The following PDZD2 variants were observed in gnomAD, a reference collection of about 807,000 sequenced individuals.
PDZD2 encodes the protein PDZ domain-containing protein 2.
In PDZD2, 90 loss-of-function variants were observed where a neutral mutation model predicts 220.7. That is an observed-to-expected ratio of 0.41 (90% CI 0.34 to 0.49). The LOEUF is 0.49. Ranked by LOEUF, PDZD2 falls within the 20% of genes least tolerant of loss-of-function variation. PDZD2 has a pLI of 0.28. For missense variants in PDZD2, 3,174 were observed against 3,608.5 expected (o/e 0.88, Z 3.08); for synonymous variants, 1,375 against 1,450.5 (o/e 0.95, Z 1.18).
intron 1 of PDZD2, among the ~76,000 whole-genome samples, chr5:31,717,629 T>A (rs1242775724): frequency 6.6e-6 from 1 of 152,120 alleles, no homozygotes; most frequent in Non-Finnish European, 1.5e-5. Flanking sequence ...CCATCTCCAC[T>A]GACAGTAATG....
At chr5:31,885,537 A>G (rs1188785905) in intron 2 of PDZD2, among the ~76,000 whole-genome samples, 1 of 152,242 alleles carries the variant, frequency 6.6e-6, no homozygotes, top group Non-Finnish European at 1.5e-5. Flanking sequence ...AAAAGAATGA[A>G]TAAAATATGT....
chr5:31,951,345 G>GT (rs1747164883), intron 2 of PDZD2, among the ~76,000 whole-genome samples: 1 of 152,212 alleles, frequency 6.6e-6, no homozygotes, highest in Non-Finnish European at 1.5e-5. Context: ...TGGATCTACA[G>GT]GGTTGAGCCA....
At chr5:32,011,779 G>A (rs1282042252) in intron 6 of PDZD2, among the ~76,000 whole-genome samples, 2 of 152,122 alleles carry the variant, frequency 1.3e-5, no homozygotes, top group African/African-American at 4.8e-5. Context: ...TATTTAAAGG[G>A]GGAAAAGTTG....
At chr5:31,911,936 G>A (rs947623048) in intron 2 of PDZD2, among the ~76,000 whole-genome samples, 4 of 152,118 alleles carry the variant, frequency 2.6e-5, no homozygotes, top group Non-Finnish European at 5.9e-5. Flanking sequence ...AAGCTCACAC[G>A]CCTGCAACTC....
chr5:31,866,660 T>C (rs1174001846), intron 2 of PDZD2, among the ~76,000 whole-genome samples: 6 of 152,222 alleles, frequency 3.9e-5, no homozygotes, highest in Admixed American at 6.5e-5. Context: ...TTGGCCATGC[T>C]GTCCTGTGGG....
Position 31,857,036 on chromosome 5 carries a change from C to T in PDZD2, c.476+57312C>T, listed in dbSNP as rs1299501736. Among the ~76,000 whole-genome samples, 8 of 152,052 alleles carry T rather than the reference C, an allele frequency of 5.3e-5. No homozygotes were observed. The East Asian group carries it at 1.2e-3, about 22-fold the overall frequency. On this transcript the variant is annotated intron_variant, in intron 2 of 24. Coordinates refer to ENST00000438447, the MANE Select transcript of PDZD2 (RefSeq NM_178140.4). ...TCCAGTTCTTTGTCTTTTCTAGAGG[C>T]GTGGTCTTGTTATGTTGCCCTGGCT...
chr5:31,876,194 T>C (rs1739281035), intron 2 of PDZD2, among the ~76,000 whole-genome samples: 1 of 152,170 alleles, frequency 6.6e-6, no homozygotes, highest in Non-Finnish European at 1.5e-5. Context: ...CTTTCTAGTT[T>C]TGGTTACTAT....
chr5:32,034,561 A>G (rs537891700), intron 6 of PDZD2, among the ~76,000 whole-genome samples: 25 of 152,016 alleles, frequency 1.6e-4, no homozygotes, highest in Admixed American at 2.6e-4. Flanking sequence ...GGGTTTCACC[A>G]TGTTGGCCGG....
At chr5:31,759,443 T>C (rs141202279) in intron 1 of PDZD2, among the ~76,000 whole-genome samples, 6 of 152,038 alleles carry the variant, frequency 3.9e-5, no homozygotes, top group Non-Finnish European at 7.4e-5. Context: ...CCATGGAACA[T>C]TGTTAGGTGA....
intron 2 of PDZD2, among the ~76,000 whole-genome samples, chr5:31,851,226 C>G (rs537061925): frequency 6.6e-6 from 1 of 152,252 alleles, no homozygotes; most frequent in African/African-American, 2.4e-5. Context: ...CATACCCCCA[C>G]CCCCCACAAC....
chr5:31,889,974 G>A (rs13157409), intron 2 of PDZD2, among the ~76,000 whole-genome samples: 3 of 151,884 alleles, frequency 2.0e-5, no homozygotes, highest in Non-Finnish European at 4.4e-5. Flanking sequence ...AGTGAGCCCA[G>A]ATAGTGTCAC....
intron 1 of PDZD2, among the ~76,000 whole-genome samples, chr5:31,740,508 G>C (rs1426467335): frequency 2.6e-5 from 3 of 113,656 alleles, no homozygotes; most frequent in East Asian, 5.4e-4. Flanking sequence ...CTGGGTGACA[G>C]AGCAAGACTC....
chr5:32,102,057 C>G (rs1291454145), intron 24 of PDZD2, among the ~76,000 whole-genome samples: 2 of 152,024 alleles, frequency 1.3e-5, no homozygotes, highest in Admixed American at 1.3e-4. Flanking sequence ...GATATTTCTA[C>G]AATTGCATAG....
At chr5:31,923,491 C>A in intron 2 of PDZD2, 1 of 943,106 alleles carries the variant, frequency 1.1e-6, no homozygotes, top group Non-Finnish European at 1.7e-6. Context: ...GGTGCAGATC[C>A]TGGAATGTCT....
intron 1 of PDZD2, among the ~76,000 whole-genome samples, chr5:31,714,539 A>G (rs911565330): frequency 1.3e-5 from 2 of 152,220 alleles, no homozygotes; most frequent in Non-Finnish European, 2.9e-5. Flanking sequence ...ATGCAACCTC[A>G]TACCGTCCAA....
chr5:31,915,927 T>C (rs1743637923), intron 2 of PDZD2, among the ~76,000 whole-genome samples: 1 of 152,062 alleles, frequency 6.6e-6, no homozygotes, highest in Admixed American at 6.6e-5. Flanking sequence ...TTATTGGAGA[T>C]TGGCTTGGCA....
At chr5:31,926,610 A>G (rs895362300) in intron 2 of PDZD2, among the ~76,000 whole-genome samples, 3 of 152,066 alleles carry the variant, frequency 2.0e-5, no homozygotes, top group Non-Finnish European at 4.4e-5. Context: ...ATGCTTATAC[A>G]CTGTTGGTGT....
chr5:32,058,212 T>A lies in PDZD2; in HGVS notation c.2200+109T>A, dbSNP rs1424043043. 2.5e-5 allele frequency: 17 copies of A among 677,556 alleles called. No homozygotes were observed. In the East Asian group the frequency reaches 4.6e-4, roughly 18 times the overall value. The allele number at this position is 677,556 out of a possible 1,614,324, so 42.0% of individuals were successfully genotyped here. ...TCTATGAATTATTCCTTTGGTACAA[T>A]CTTCTATCAACAACACGTGGTCTCT... On this transcript the variant is annotated intron_variant, in intron 12 of 24. Coordinates refer to ENST00000438447, the MANE Select transcript of PDZD2 (RefSeq NM_178140.4).
Position 31,799,473 on chromosome 5 carries a change from G to A in PDZD2, c.225G>A (p.Lys75=), listed in dbSNP as rs1422882087. ...AGATCTGTACTGTGTACCTCACCAA[G>A]GAGCTGGGGGACACAGAGACTGTGG... is the stretch of plus-strand genomic sequence containing the variant. The part of the protein sequence containing the change: ...EMEICTVYLT[K]ELGDTETVGL... The change falls in exon 2 of 25, where the codon AAG becomes AAA. Residue 75 remains lysine (K), a synonymous_variant. Coordinates refer to ENST00000438447, the MANE Select transcript of PDZD2 (RefSeq NM_178140.4). 2 of 1,614,072 alleles carry A rather than the reference G, an allele frequency of 1.2e-6. No homozygotes were observed. The highest frequency in any genetic ancestry group is 2.7e-5 in the African/African-American group (2 of 74,936).
Sources: allele counts gnomAD v4.1 joint callset (sites outside exome capture counted in the v4.1 genomes callset), GRCh38; gene constraint gnomAD v4.1.1; transcripts MANE v1.5; gene names NCBI Gene and HGNC (gene_info 2026-07-23, HGNC 2026-07-21).